Variants in ANXA3 observed in about 807,000 individuals in gnomAD.
ANXA3 encodes annexin A3, also known as 35-alpha calcimedin.
ANXA3 carries 46 observed loss-of-function variants against 48.8 expected under a neutral mutation model. The ratio of observed to expected loss-of-function variants is 0.94; its 90% CI spans 0.74 to 1.21. ANXA3 has a LOEUF of 1.21. Among genes scored for constraint, ANXA3 ranks in the 50% most tolerant of loss-of-function variants. ANXA3 has a pLI of 0.00. For synonymous variants in ANXA3, 128 were observed against 134.7 expected (o/e 0.95, Z 0.35); for missense variants, 383 against 378.6 (o/e 1.01, Z -0.10).
At chr4:78,598,377 T>C (rs1723466235) in intron 10 of ANXA3, among the ~76,000 whole-genome samples, 1 of 151,900 alleles carries the variant, frequency 6.6e-6, no homozygotes, top group Admixed American at 6.6e-5. Context: ...TTGTTGACTC[T>C]GAATTGCTAA....
At position 78,595,455 on chromosome 4, in the gene ANXA3, A is replaced by G; in HGVS notation, c.540+18A>G. 2 of 1,612,680 alleles carry G rather than the reference A, an allele frequency of 1.2e-6. No individual in the cohort carries two copies. The highest frequency in any genetic ancestry group is 1.7e-6 in the Non-Finnish European group (2 of 1,179,492). On this transcript the variant is annotated intron_variant, in intron 8 of 12. Coordinates refer to ENST00000264908, the MANE Select transcript of ANXA3 (RefSeq NM_005139.3). ...ATGCCCAGGTCAGTAACAAAGCGGGAAAACATTTCCTTTACCTATTCTCCT... is the reference window on the plus strand; with the variant it reads ...ATGCCCAGGTCAGTAACAAAGCGGGGAAACATTTCCTTTACCTATTCTCCT...
At chr4:78,589,611 A>G (rs894862219) in intron 6 of ANXA3, among the ~76,000 whole-genome samples, 16 of 152,186 alleles carry the variant, frequency 1.1e-4, no homozygotes, top group African/African-American at 3.9e-4. Context: ...TGTCTACCCA[A>G]GGCTTATAAA....
intron 3 of ANXA3, among the ~76,000 whole-genome samples, chr4:78,578,298 C>CGAGAGAGAGGGA (rs1722999869): frequency 2.2e-5 from 1 of 46,506 alleles, no homozygotes; most frequent in Non-Finnish European, 4.2e-5. Flanking sequence ...AGAGAGAGAG[C>CGAGAGAGAGGGA]GAGAGAGAGA....
intron 6 of ANXA3, among the ~76,000 whole-genome samples, chr4:78,588,646 G>A (rs1460366307): frequency 6.6e-6 from 1 of 152,180 alleles, no homozygotes; most frequent in Non-Finnish European, 1.5e-5. Flanking sequence ...ACTGGAGCCA[G>A]TACCTACACG....
At chr4:78,584,408 T>A (rs764024079) in intron 5 of ANXA3, among the ~76,000 whole-genome samples, 8 of 151,706 alleles carry the variant, frequency 5.3e-5, no homozygotes, top group Non-Finnish European at 8.8e-5. Context: ...AACTCCTGAG[T>A]CAAGCAATCC....
intron 2 of ANXA3, among the ~76,000 whole-genome samples, chr4:78,565,671 T>C (rs1722715217): frequency 6.6e-6 from 1 of 152,226 alleles, no homozygotes; most frequent in Non-Finnish European, 1.5e-5. Flanking sequence ...ACTACCTATG[T>C]GACCTTGGCG....
intron 5 of ANXA3, among the ~76,000 whole-genome samples, chr4:78,584,066 G>A (rs567653843): frequency 6.6e-6 from 1 of 152,236 alleles, no homozygotes; most frequent in African/African-American, 2.4e-5. Flanking sequence ...CTTGTTTTGA[G>A]ATCTTTATAC....
rs1723730392 is a variant in ANXA3 at position 78,610,185 on chromosome 4, T to G, written c.*70T>G. ...AGCTCCACCTTACTTCTTCTCATACTATTTAAGAGAACAAGCAAATATAAA... is the reference window on the plus strand; with the variant it reads ...AGCTCCACCTTACTTCTTCTCATACGATTTAAGAGAACAAGCAAATATAAA... On this transcript the variant is annotated 3_prime_UTR_variant, in exon 13 of 13. Coordinates refer to ENST00000264908, the MANE Select transcript of ANXA3 (RefSeq NM_005139.3). The G allele has an allele frequency of 1.8e-6, 2 of 1,110,392 alleles. No individual in the cohort carries two copies. Among genetic ancestry groups the G allele is most frequent in the African/African-American group, 3.1e-5 (2 of 64,114 alleles). The allele number at this position is 1,110,392 out of a possible 1,614,324, so 68.8% of individuals were successfully genotyped here. A position where few individuals can be genotyped will look rare whatever the true frequency, so the allele number is the denominator to read the frequency against.
intron 8 of ANXA3, 23 bp downstream of exon 8, chr4:78,595,460 AT>A: frequency 1.9e-6 from 3 of 1,612,348 alleles, no homozygotes; most frequent in African/African-American, 2.7e-5. Context: ...GCGGGAAAAC[AT>A]TTCCTTTACC....
chr4:78,609,778 T>C (rs781428211), intron 12 of ANXA3, among the ~76,000 whole-genome samples: 5 of 152,220 alleles, frequency 3.3e-5, no homozygotes, highest in Non-Finnish European at 7.4e-5. Flanking sequence ...ATCAATATTA[T>C]GTAAGTGATG....
At position 78,597,832 on chromosome 4, in the gene ANXA3, G is replaced by A. The variant is rs574168927; in HGVS notation, c.730+418G>A. Reference sequence around the variant, plus strand: ...TTTCACCATGTTGCCCAGGCTGGTCGTGAACTCCTGAGCTCAAGCAATCCA... The same window carrying A: ...TTTCACCATGTTGCCCAGGCTGGTCATGAACTCCTGAGCTCAAGCAATCCA... On this transcript the variant is annotated intron_variant, in intron 10 of 12. Coordinates refer to ENST00000264908, the MANE Select transcript of ANXA3 (RefSeq NM_005139.3). 4.6e-5 allele frequency among the ~76,000 whole-genome samples: 7 copies of A among 151,918 alleles called. No individual in the cohort carries two copies. In the South Asian group the frequency reaches 8.3e-4, roughly 18 times the overall value.
chr4:78,603,042 C>T (rs1290293451), intron 11 of ANXA3: 2 of 152,402 alleles, frequency 1.3e-5, no homozygotes, highest in Non-Finnish European at 2.9e-5. Context: ...AGAGAGGTCT[C>T]CCCTAACTGT....
intron 7 of ANXA3, among the ~76,000 whole-genome samples, chr4:78,592,619 A>T (rs1046532561): frequency 4.6e-5 from 7 of 152,304 alleles, no homozygotes; most frequent in South Asian, 2.1e-4. Flanking sequence ...TTCTAGAATC[A>T]AACAGGGCTG....
At chr4:78,593,549 T>G (rs1287379939) in intron 7 of ANXA3, among the ~76,000 whole-genome samples, 1 of 151,250 alleles carries the variant, frequency 6.6e-6, no homozygotes, top group African/African-American at 2.4e-5. Flanking sequence ...TAGAGCAGCT[T>G]CAGATTTATG....
At chr4:78,599,971 A>G (rs1723501560) in intron 10 of ANXA3, among the ~76,000 whole-genome samples, 1 of 152,026 alleles carries the variant, frequency 6.6e-6, no homozygotes, top group Non-Finnish European at 1.5e-5. Context: ...TCCAACAGAA[A>G]AGTCTTAGCA....
chr4:78,582,630 TC>T (rs1264109637), intron 5 of ANXA3, among the ~76,000 whole-genome samples: 2 of 152,144 alleles, frequency 1.3e-5, no homozygotes, highest in Admixed American at 6.5e-5. Context: ...CCTTCCAAGC[TC>T]CCAAATCTAT....
chr4:78,576,403 C>T (rs1722954773), intron 3 of ANXA3, among the ~76,000 whole-genome samples: 1 of 152,012 alleles, frequency 6.6e-6, no homozygotes, highest in Non-Finnish European at 1.5e-5. Context: ...ACTCCTGGAT[C>T]CTATGGCCTC....
chr4:78,577,429 A>T (rs1317589824), intron 3 of ANXA3, among the ~76,000 whole-genome samples: 1 of 152,322 alleles, frequency 6.6e-6, no homozygotes, highest in South Asian at 2.1e-4. Context: ...TGAGTTTCAG[A>T]TACTTGTGCA....
intron 11 of ANXA3, chr4:78,603,105 T>G (rs1464792411): frequency 1.3e-5 from 2 of 152,276 alleles, no homozygotes; most frequent in Non-Finnish European, 2.9e-5. Context: ...TCCAGCTTTC[T>G]TTTCTTCATA....
Sources: gnomAD v4.1 joint callset for allele counts (sites outside exome capture counted in the v4.1 genomes callset) on GRCh38, gnomAD v4.1.1 for gene constraint, MANE v1.5 for transcripts, NCBI Gene and HGNC (gene_info 2026-07-23, HGNC 2026-07-21) for gene names.